Variants in ITGAE observed in about 807,000 individuals in gnomAD.
The protein encoded by ITGAE is integrin alpha-E.
A neutral mutation model predicts 136.5 loss-of-function variants in ITGAE; 99 were observed. That is an observed-to-expected ratio of 0.73 (90% CI 0.62 to 0.86). The LOEUF is 0.86. Ranked by LOEUF, ITGAE falls within the 40% of genes least tolerant of loss-of-function variation. The probability of loss-of-function intolerance (pLI) is 0.00; values close to 1 mark genes in which losing one functional copy is unlikely to be tolerated. For missense variants in ITGAE, 1,447 were observed against 1,515.3 expected (o/e 0.95, Z 0.75); for synonymous variants, 613 against 591.8 (o/e 1.04, Z -0.52).
intron 12 of ITGAE, 53 bp downstream of exon 12, chr17:3,755,064 A>AGGCCCCGCCCTTATCAGGT: frequency 1.3e-6 from 1 of 751,262 alleles, no homozygotes; most frequent in Non-Finnish European, 2.0e-6. Flanking sequence ...GGGAGCCTCC[A>AGGCCCCGCCCTTATCAGGT]GGCCCCGCCC....
At position 3,797,157 on chromosome 17, in the gene ITGAE, ATTTTTT is replaced by A. The variant is rs56101818; in HGVS notation, c.34+3948_34+3953del. 8.3e-3 allele frequency among the ~76,000 whole-genome samples: 783 copies of A among 94,412 alleles called. 18 individuals carry two copies. Among genetic ancestry groups the A allele is most frequent in the African/African-American group, 0.021 (515 of 24,552 alleles). 61.9% of individuals were successfully genotyped at this position (94,412 alleles called of 152,430 possible). A position where few individuals can be genotyped will look rare whatever the true frequency, so the allele number is the denominator to read the frequency against. On this transcript the variant is annotated intron_variant, in intron 1 of 30. Transcript: ENST00000263087. ...GGAAACTAAATATATATATATATAT[ATTTTTT>A]TTTTTTTTTTTTTTTTTTTTGAGAC... is the stretch of plus-strand genomic sequence containing the variant.
chr17:3,787,649 G>A (rs987493673), intron 1 of ITGAE, among the ~76,000 whole-genome samples: 19 of 151,770 alleles, frequency 1.3e-4, no homozygotes, highest in African/African-American at 4.4e-4. Flanking sequence ...ATCCTGTTAA[G>A]CATATGTTCA....
At chr17:3,723,490 T>A in intron 27 of ITGAE, 107 bp from the exon 28 acceptor site, 2 of 1,019,590 alleles carry the variant, frequency 2.0e-6, no homozygotes, top group Non-Finnish European at 3.1e-6. Context: ...ATAGAGGGTG[T>A]GAGCAATTTC....
chr17:3,763,791 T>G, intron 3 of ITGAE, 78 bp downstream of exon 3: 1 of 1,130,870 alleles, frequency 8.8e-7, no homozygotes, highest in Non-Finnish European at 1.3e-6. Flanking sequence ...GGGGTTGGAA[T>G]GGTTTGAGTT....
chr17:3,788,456 A>ATTTTTTT (rs71155804), intron 1 of ITGAE, among the ~76,000 whole-genome samples: 2 of 103,262 alleles, frequency 1.9e-5, no homozygotes, highest in Non-Finnish European at 4.0e-5. Context: ...GACCTGACTA[A>ATTTTTTT]TTTTTTTTTT....
intron 18 of ITGAE, among the ~76,000 whole-genome samples, chr17:3,744,719 G>A (rs2051672602): frequency 2.6e-5 from 4 of 152,176 alleles, no homozygotes; most frequent in Admixed American, 2.6e-4. Context: ...AAAGTGCTGG[G>A]ATTAGAGGCG....
intron 2 of ITGAE, among the ~76,000 whole-genome samples, chr17:3,776,249 G>A (rs1373557754): frequency 6.6e-6 from 1 of 151,814 alleles, no homozygotes; most frequent in Non-Finnish European, 1.5e-5. Context: ...GTAGAGACGG[G>A]GTTTCACCAT....
At chr17:3,725,011 G>A in intron 26 of ITGAE, 1 of 1,614,180 alleles carries the variant, frequency 6.2e-7, no homozygotes, top group Admixed American at 1.7e-5. Context: ...TTTAAAAAGG[G>A]CCAAAAGCTG....
chr17:3,796,845 C>A (rs959197332), intron 1 of ITGAE, among the ~76,000 whole-genome samples: 1 of 152,072 alleles, frequency 6.6e-6, no homozygotes, highest in Non-Finnish European at 1.5e-5. Context: ...TTTAGGAAAC[C>A]GAGGCCCATG....
chr17:3,782,968 T>C (rs891758015), intron 1 of ITGAE, among the ~76,000 whole-genome samples: 1 of 152,200 alleles, frequency 6.6e-6, no homozygotes, highest in Non-Finnish European at 1.5e-5. Context: ...CATGTTTGGA[T>C]AAATCCCATA....
intron 23 of ITGAE, 127 bp from the exon 24 acceptor site, chr17:3,729,682 C>G: frequency 1.4e-6 from 1 of 693,366 alleles, no homozygotes; most frequent in South Asian, 1.5e-5. Context: ...GCAACCTCCG[C>G]CCCCCGGGTT....
At chr17:3,743,664 G>A in intron 18 of ITGAE, 47 bp from the exon 19 acceptor site, 1 of 1,504,798 alleles carries the variant, frequency 6.6e-7, no homozygotes, top group Non-Finnish European at 9.0e-7. Flanking sequence ...ATGTGGGGGA[G>A]AAGATGACAA....
intron 1 of ITGAE, among the ~76,000 whole-genome samples, chr17:3,778,895 C>T (rs910512184): frequency 2.6e-5 from 4 of 152,178 alleles, no homozygotes; most frequent in African/African-American, 4.8e-5. Context: ...CGAGCCCTGT[C>T]GTTACCCTCA....
intron 26 of ITGAE, chr17:3,726,637 G>A: frequency 3.3e-6 from 1 of 303,670 alleles, no homozygotes; most frequent in East Asian, 5.8e-5. Flanking sequence ...TATCTAGCCT[G>A]GTCAACATAG....
intron 1 of ITGAE, among the ~76,000 whole-genome samples, chr17:3,779,317 T>C (rs1480424815): frequency 7.4e-6 from 1 of 135,178 alleles, no homozygotes; most frequent in Non-Finnish European, 1.6e-5. Flanking sequence ...AGTCAGCAAT[T>C]TATTTTTATT....
intron 2 of ITGAE, among the ~76,000 whole-genome samples, chr17:3,775,907 C>T (rs1268682688): frequency 6.6e-6 from 1 of 152,132 alleles, no homozygotes; most frequent in Non-Finnish European, 1.5e-5. Flanking sequence ...AATTCACACT[C>T]CCACACGTCC....
chr17:3,755,021 GC>G (rs1163294862), intron 12 of ITGAE, 95 bp downstream of exon 12: 2 of 450,286 alleles, frequency 4.4e-6, no homozygotes, highest in Admixed American at 1.2e-4. Context: ...CCCCGCCCTC[GC>G]CCACGTAGCC....
At chr17:3,725,723 C>T (rs2051194349) in intron 26 of ITGAE, 11 of 1,573,098 alleles carry the variant, frequency 7.0e-6, no homozygotes, top group Non-Finnish European at 6.9e-6. Context: ...TTTTTAAAGA[C>T]GACCAGCTCT....
At position 3,748,021 on chromosome 17, in the gene ITGAE, T is replaced by C. The variant is rs1238445607; in HGVS notation, c.2056A>G (p.Met686Val). 8 of 1,611,634 alleles carry C rather than the reference T, an allele frequency of 5.0e-6. No individual in the cohort carries two copies. In the South Asian group the frequency reaches 5.5e-5, roughly 11 times the overall value. ...SRPVVRLKVS[M>V]AFTPSALPIG... ...GGCAGTGCGCTGGGGGTGAAGGCCATGGAGACCTTCAGGCGAACCACAGGC... is the reference window on the plus strand; with the variant it reads ...GGCAGTGCGCTGGGGGTGAAGGCCACGGAGACCTTCAGGCGAACCACAGGC... The change falls in exon 17 of 31, where the codon ATG (methionine) becomes GTG (valine). Residue 686 changes from methionine (M) to valine (V), a missense_variant. Met to Val is a conservative substitution (Grantham distance 21). Around this residue, in one of 3 missense-constraint regions of ITGAE, gnomAD observed 1,031 missense variants for 1,011.4 expected, o/e 1.02. Transcript: ENST00000263087.
Sources: allele counts gnomAD v4.1 joint callset (sites outside exome capture counted in the v4.1 genomes callset), GRCh38; gene constraint gnomAD v4.1.1; regional missense constraint gnomAD v4.1.1; transcripts MANE v1.5; gene names NCBI Gene and HGNC (gene_info 2026-07-23, HGNC 2026-07-21).